ITGBL1: variants seen among roughly 807,000 people sequenced by gnomAD.
ITGBL1 encodes the protein integrin beta-like protein 1.
Under a neutral mutation model 68.5 loss-of-function variants are expected in ITGBL1, and 51 were observed. That is an observed-to-expected ratio of 0.74 (90% CI 0.59 to 0.94). The LOEUF is 0.94. ITGBL1 is among the 40% of genes least tolerant of loss of function. The probability of loss-of-function intolerance (pLI) is 0.00; values close to 1 mark genes in which losing one functional copy is unlikely to be tolerated. For synonymous variants in ITGBL1, 209 were observed against 227.3 expected (o/e 0.92, Z 0.72); for missense variants, 649 against 647.4 (o/e 1.00, Z -0.03).
chr13:101,675,863 C>T (rs1352480559), intron 7 of ITGBL1, among the ~76,000 whole-genome samples: 1 of 152,122 alleles, frequency 6.6e-6, no homozygotes, highest in Non-Finnish European at 1.5e-5. Context: ...TCTTTTTCTT[C>T]CCTATCTAAT....
At chr13:101,492,050 C>T (rs958567165) in intron 2 of ITGBL1, among the ~76,000 whole-genome samples, 3 of 152,064 alleles carry the variant, frequency 2.0e-5, no homozygotes, top group African/African-American at 7.2e-5. Flanking sequence ...CATTTGGGTT[C>T]GTTCCAAGTC....
At chr13:101,634,761 T>G (rs1447603114) in intron 7 of ITGBL1, among the ~76,000 whole-genome samples, 1 of 152,088 alleles carries the variant, frequency 6.6e-6, no homozygotes, top group Admixed American at 6.6e-5. Flanking sequence ...GGAATTCCTT[T>G]TTAAAATCAG....
intron 2 of ITGBL1, among the ~76,000 whole-genome samples, chr13:101,503,328 T>G (rs988531010): frequency 1.3e-5 from 2 of 152,160 alleles, no homozygotes; most frequent in Non-Finnish European, 2.9e-5. Context: ...CATGACCATT[T>G]AAGGGGTTCA....
At chr13:101,475,523 G>A (rs75068426) in intron 2 of ITGBL1, among the ~76,000 whole-genome samples, 21,622 of 151,990 alleles carry the variant, frequency 0.14, 2,040 homozygotes, top group East Asian at 0.43. Flanking sequence ...CAAAGGGATA[G>A]CCGAGAAATT....
intron 2 of ITGBL1, among the ~76,000 whole-genome samples, chr13:101,541,162 C>T (rs539428441): frequency 3.1e-4 from 46 of 149,814 alleles, no homozygotes; most frequent in Admixed American, 2.1e-3. Flanking sequence ...TCCATTTTTG[C>T]CCATTCAGTA....
chr13:101,588,688 T>C (rs371113035), intron 6 of ITGBL1, among the ~76,000 whole-genome samples: 10 of 74,620 alleles, frequency 1.3e-4, no homozygotes, highest in African/African-American at 3.5e-4. Context: ...TCACTATTTG[T>C]CTATTAAAAA....
At chr13:101,539,225 C>T (rs559153106) in intron 2 of ITGBL1, among the ~76,000 whole-genome samples, 4 of 143,986 alleles carry the variant, frequency 2.8e-5, no homozygotes, top group African/African-American at 7.8e-5. Context: ...ACAACAGGCC[C>T]CAGTGTGTGA....
chr13:101,579,828 A>G (rs1444196666), intron 5 of ITGBL1, among the ~76,000 whole-genome samples: 1 of 152,194 alleles, frequency 6.6e-6, no homozygotes, highest in Non-Finnish European at 1.5e-5. Context: ...CTCTTGTCTT[A>G]ATTATGAGTA....
At chr13:101,573,829 A>G (rs898344317) in intron 3 of ITGBL1, among the ~76,000 whole-genome samples, 1 of 152,100 alleles carries the variant, frequency 6.6e-6, no homozygotes, top group South Asian at 2.1e-4. Flanking sequence ...ATTCAAACCA[A>G]ATTAGCAACA....
At chr13:101,555,807 G>T (rs1468339515) in intron 2 of ITGBL1, among the ~76,000 whole-genome samples, 1 of 152,028 alleles carries the variant, frequency 6.6e-6, no homozygotes, top group African/African-American at 2.4e-5. Flanking sequence ...TTAGTTTTGT[G>T]GACATTCTCC....
At chr13:101,607,475 TTCAA>T (rs2030924460) in intron 7 of ITGBL1, among the ~76,000 whole-genome samples, 1 of 152,024 alleles carries the variant, frequency 6.6e-6, no homozygotes, top group African/African-American at 2.4e-5. Flanking sequence ...AGCAAAATAA[TTCAA>T]TCAATCCTCT....
chr13:101,576,617 C>A (rs2050363892), intron 4 of ITGBL1, among the ~76,000 whole-genome samples: 1 of 152,148 alleles, frequency 6.6e-6, no homozygotes, highest in Non-Finnish European at 1.5e-5. Flanking sequence ...CCACGTGGAA[C>A]CAGAGAACCC....
chr13:101,545,646 A>C (rs1026346744), intron 2 of ITGBL1, among the ~76,000 whole-genome samples: 1 of 152,206 alleles, frequency 6.6e-6, no homozygotes, highest in African/African-American at 2.4e-5. Flanking sequence ...AAGTTAGTGC[A>C]TTCAAAAGAT....
At chr13:101,648,376 G>A (rs912737265) in intron 7 of ITGBL1, among the ~76,000 whole-genome samples, 1 of 152,160 alleles carries the variant, frequency 6.6e-6, no homozygotes, top group Non-Finnish European at 1.5e-5. Context: ...AACTAAGATC[G>A]AGAACTCAAG....
chr13:101,522,410 T>G (rs1336737001), intron 2 of ITGBL1, among the ~76,000 whole-genome samples: 1 of 152,150 alleles, frequency 6.6e-6, no homozygotes. Flanking sequence ...CCCTGGAGGT[T>G]ATGATTTCTG....
intron 7 of ITGBL1, among the ~76,000 whole-genome samples, chr13:101,663,357 T>A (rs2033135050): frequency 6.6e-6 from 1 of 152,168 alleles, no homozygotes; most frequent in Middle Eastern, 3.2e-3. Context: ...TCTGAGACAC[T>A]TTAGAGATCG....
intron 7 of ITGBL1, among the ~76,000 whole-genome samples, chr13:101,638,454 G>T (rs142465850): frequency 6.6e-6 from 1 of 151,580 alleles, no homozygotes; most frequent in African/African-American, 2.4e-5. Context: ...AAAACTATTT[G>T]TATTAGCCCG....
At chr13:101,586,835 A>G (rs2050565694) in intron 6 of ITGBL1, among the ~76,000 whole-genome samples, 1 of 152,202 alleles carries the variant, frequency 6.6e-6, no homozygotes, top group Non-Finnish European at 1.5e-5. Context: ...GTAGAATTCT[A>G]TATACTGTAT....
chr13:101,512,534 C>T (rs938237772), intron 2 of ITGBL1, among the ~76,000 whole-genome samples: 4 of 152,066 alleles, frequency 2.6e-5, no homozygotes, highest in African/African-American at 9.7e-5. Context: ...AGCTTTTCAT[C>T]GGAATTGGAT....
Sources: gnomAD v4.1 joint callset for allele counts (sites outside exome capture counted in the v4.1 genomes callset) on GRCh38, gnomAD v4.1.1 for gene constraint, MANE v1.5 for transcripts, NCBI Gene and HGNC (gene_info 2026-07-23, HGNC 2026-07-21) for gene names.